Variants in STARD8 observed in about 807,000 individuals in gnomAD.
STARD8 encodes the protein stAR-related lipid transfer protein 8.
In STARD8, 25 loss-of-function variants were observed where a neutral mutation model predicts 69.4. The ratio of observed to expected loss-of-function variants is 0.36; its 90% CI spans 0.26 to 0.50. The LOEUF (loss-of-function observed/expected upper bound fraction) is 0.50, where lower values mean the gene tolerates loss of function less well. Ranked by LOEUF, STARD8 falls within the 20% of genes least tolerant of loss-of-function variation. The probability of loss-of-function intolerance (pLI) is 0.96; values close to 1 mark genes in which losing one functional copy is unlikely to be tolerated. For missense variants in STARD8, 921 were observed against 932.5 expected, an observed-to-expected ratio of 0.99 and a Z score of 0.16; for synonymous variants, 389 against 374.6, an observed-to-expected ratio of 1.04 and a Z score of -0.45.
At chrX:68,685,527 C>T (rs1471774189) in intron 2 of STARD8, among the ~76,000 whole-genome samples, 1 of 112,511 alleles carries the variant, frequency 8.9e-6, no homozygotes, top group Non-Finnish European at 1.9e-5. Context: ...ACCTTAGAGT[C>T]CTAGTCCAGG....
chrX:68,660,951 C>T (rs763374682), intron 1 of STARD8, among the ~76,000 whole-genome samples: 2 of 111,871 alleles, frequency 1.8e-5, no homozygotes, highest in African/African-American at 3.3e-5. Flanking sequence ...CTGTGTGGCC[C>T]GGCTGAGAAG....
intron 2 of STARD8, among the ~76,000 whole-genome samples, chrX:68,677,380 A>AG (rs1362202763): frequency 1.8e-5 from 2 of 111,515 alleles, no homozygotes; most frequent in Non-Finnish European, 3.8e-5. Flanking sequence ...GGAAACTGTA[A>AG]GGGGGGCCCT....
chrX:68,659,041 T>C (rs1441975398), intron 1 of STARD8, among the ~76,000 whole-genome samples: 2 of 111,991 alleles, frequency 1.8e-5, no homozygotes, highest in African/African-American at 3.3e-5. Flanking sequence ...GAAGATATAA[T>C]GTCATAGATG....
At position 68,719,215 on chromosome X, in the gene STARD8, C is replaced by A. The variant is rs774379119; in HGVS notation, c.1716-10C>A. On this transcript the variant is annotated splice_polypyrimidine_tract_variant and intron_variant, in intron 6 of 14. Transcript: ENST00000374599. ...TGGGCTTCTCCACCCCTCTCACCGC[C>A]CCCCACCAGGAAGCTCCGTTGGCAT... 1 of 1,173,771 alleles carries A rather than the reference C, an allele frequency of 8.5e-7. No homozygotes were observed. The highest frequency in any genetic ancestry group is 2.0e-5 in the South Asian group (1 of 50,224).
rs376458770 is a variant in STARD8 at position 68,717,976 on chromosome X, G to A, written c.1062G>A (p.Thr354=). ...GCTCAACGGGCAGCCATGCCAGCAC[G>A]TATGACAACTTGCCTGAGCTGTACC... ...SCGSTGSHAS[T]YDNLPELYPA... is the part of the protein sequence containing the mutation. The change falls in exon 6 of 15, where the codon ACG becomes ACA. Residue 354 remains threonine (T), a synonymous_variant. Transcript: ENST00000374599. The A allele has an allele frequency of 6.6e-6, 8 of 1,208,738 alleles. No homozygotes were observed. In the African/African-American group the frequency reaches 7.0e-5, roughly 11 times the overall value.
At chrX:68,651,586 G>C (rs896055965) in intron 1 of STARD8, among the ~76,000 whole-genome samples, 9 of 111,187 alleles carry the variant, frequency 8.1e-5, no homozygotes, top group African/African-American at 2.9e-4. Flanking sequence ...GGCCCTCTCA[G>C]ATCATCTTAT....
intron 1 of STARD8, among the ~76,000 whole-genome samples, chrX:68,653,071 A>C (rs1367582435): frequency 1.1e-4 from 3 of 26,417 alleles, no homozygotes; most frequent in Admixed American, 4.4e-4. Context: ...ACCACACACC[A>C]CACACACACC....
rs750050890 is a variant in STARD8 at position 68,723,826 on chromosome X, C to T, written c.3000C>T (p.Arg1000=). 170 of 1,192,577 alleles carry T rather than the reference C, an allele frequency of 1.4e-4. No individual in the cohort carries two copies. The highest frequency in any genetic ancestry group is 7.3e-4 in the East Asian group (24 of 32,685). Residue 1000 remains arginine (R), a synonymous_variant, in exon 13 of 15, where the codon CGC becomes CGT. Coordinates refer to ENST00000374599, the MANE Select transcript of STARD8 (RefSeq NM_001142503.3). ...VTDSMAPHPC[R]DFVVLRMWRS... is the part of the protein sequence containing the mutation. ...ACAGCATGGCACCCCATCCCTGCCG[C>T]GACTTTGTGGTGCTTCGGTGAGGGG...
Position 68,722,066 on chromosome X carries a change from C to G in STARD8, c.2479C>G (p.Leu827Val). ...PSPRIKSKRS[L>V]IGRPGPRDLS... is the part of the protein sequence containing the mutation. The stretch of plus-strand genomic sequence containing the variant: ...ATCTAGGATCAAGAGCAAACGCAGC[C>G]TCATTGGCAGGCCAGGCCCTAGGGA... Residue 827 changes from leucine to valine, a missense_variant, in exon 11 of 15, where the codon CTC (leucine) becomes GTC (valine). By Grantham distance (32) the Leu-to-Val change is conservative. Coordinates refer to ENST00000374599, the MANE Select transcript of STARD8 (RefSeq NM_001142503.3). 8.3e-7 allele frequency: 1 copy of G among 1,203,353 alleles called. No individual in the cohort carries two copies. Among genetic ancestry groups the G allele is most frequent in the Non-Finnish European group, 1.1e-6 (1 of 888,882 alleles).
intron 8 of STARD8, 25 bp downstream of exon 8, chrX:68,720,448 C>A: frequency 8.7e-7 from 1 of 1,146,907 alleles, no homozygotes; most frequent in Non-Finnish European, 1.2e-6. Context: ...GGCAGCCTGC[C>A]GGGAGATGGT....
chrX:68,685,937 T>C (rs2079828898), intron 2 of STARD8, among the ~76,000 whole-genome samples: 1 of 112,097 alleles, frequency 8.9e-6, no homozygotes, highest in Non-Finnish European at 1.9e-5. Flanking sequence ...CCAGAGCCAT[T>C]GTTTCCTTCT....
chrX:68,661,225 A>G (rs1042361673), intron 1 of STARD8, among the ~76,000 whole-genome samples: 2 of 111,837 alleles, frequency 1.8e-5, no homozygotes, highest in Admixed American at 1.9e-4. Flanking sequence ...CATCCCAGCC[A>G]CTTGTGGCTG....
At position 68,724,527 on chromosome X, in the gene STARD8, G is replaced by A. The variant is rs1305742117; in HGVS notation, c.*105G>A. On this transcript the variant is annotated 3_prime_UTR_variant, in exon 15 of 15. Transcript: ENST00000374599. ...CCCCTGGGTGCCGCTGTCAGGAGCA[G>A]AGCCAGGCCCAGGTGGCTCCAGCTG... 2 of 657,685 alleles carry A rather than the reference G, an allele frequency of 3.0e-6. No homozygotes were observed. Among genetic ancestry groups the A allele is most frequent in the African/African-American group, 4.4e-5 (2 of 45,272 alleles). 54.2% of individuals were successfully genotyped at this position (657,685 alleles called of 1,213,427 possible). A position where few individuals can be genotyped will look rare whatever the true frequency, so the allele number is the denominator to read the frequency against.
chrX:68,665,101 C>T (rs1283016221), intron 1 of STARD8, among the ~76,000 whole-genome samples: 1 of 112,267 alleles, frequency 8.9e-6, no homozygotes, highest in Non-Finnish European at 1.9e-5. Flanking sequence ...CATCCTGTTT[C>T]TAGCCTTGTT....
intron 2 of STARD8, among the ~76,000 whole-genome samples, chrX:68,707,072 C>T (rs938710125): frequency 8.9e-6 from 1 of 112,552 alleles, no homozygotes; most frequent in Non-Finnish European, 1.9e-5. Context: ...CTTTCTCCGC[C>T]GCTCAGGACA....
intron 2 of STARD8, among the ~76,000 whole-genome samples, chrX:68,686,870 C>G (rs1025762321): frequency 4.5e-5 from 5 of 111,314 alleles, no homozygotes; most frequent in African/African-American, 1.6e-4. Flanking sequence ...CTGTCTACAT[C>G]CTCCGCTCAA....
intron 7 of STARD8, among the ~76,000 whole-genome samples, chrX:68,719,702 C>T (rs2080130638): frequency 8.9e-6 from 1 of 112,244 alleles, no homozygotes; most frequent in South Asian, 3.7e-4. Context: ...GTCCAGATTC[C>T]CTCCCACCAT....
chrX:68,662,274 G>A (rs1376015336), intron 1 of STARD8, among the ~76,000 whole-genome samples: 3 of 110,871 alleles, frequency 2.7e-5, no homozygotes, highest in African/African-American at 9.8e-5. Flanking sequence ...CTCCCAAAGT[G>A]CTGGGAGGCC....
chrX:68,686,785 G>C (rs1209342077), intron 2 of STARD8, among the ~76,000 whole-genome samples: 2 of 112,223 alleles, frequency 1.8e-5, no homozygotes, highest in East Asian at 5.6e-4. Flanking sequence ...TAATTCTTAG[G>C]CAGCTCTTGC....
Sources: gnomAD v4.1 joint callset for allele counts (sites outside exome capture counted in the v4.1 genomes callset) on GRCh38, gnomAD v4.1.1 for gene constraint, MANE v1.5 for transcripts, NCBI Gene and HGNC (gene_info 2026-07-23, HGNC 2026-07-21) for gene names.